Variants in OCA2 observed in about 807,000 individuals in gnomAD.
The protein encoded by OCA2 is P protein.
OCA2 carries 77 observed loss-of-function variants against 100.2 expected under a neutral mutation model. The ratio of observed to expected loss-of-function variants is 0.77; its 90% CI spans 0.64 to 0.93. The LOEUF (loss-of-function observed/expected upper bound fraction) is 0.93, where lower values mean the gene tolerates loss of function less well. Among genes scored for constraint, OCA2 ranks in the 40% least tolerant of loss-of-function variants. The pLI is 0.00. For missense variants in OCA2, 1,062 were observed against 1,089.1 expected (o/e 0.98, Z 0.35); for synonymous variants, 432 against 439.2 (o/e 0.98, Z 0.21).
downstream of OCA2, among the ~76,000 whole-genome samples, chr15:27,752,895 T>G (rs537786200): frequency 4.9e-5 from 7 of 143,268 alleles, no homozygotes; most frequent in Admixed American, 5.2e-4. Flanking sequence ...ACTTACCCAA[T>G]GTGGGCAGAC....
intron 23 of OCA2, among the ~76,000 whole-genome samples, chr15:27,770,778 C>CTTCCTCCCTCCCTCTT (rs1458950003): frequency 1.4e-4 from 8 of 55,522 alleles, no homozygotes; most frequent in Admixed American, 1.2e-3. Context: ...CCCTCCCTTC[C>CTTCCTCCCTCCCTCTT]ATCCTTCCTT....
At chr15:27,864,485 C>A (rs1399403353) in intron 21 of OCA2, among the ~76,000 whole-genome samples, 1 of 152,184 alleles carries the variant, frequency 6.6e-6, no homozygotes, top group Non-Finnish European at 1.5e-5. Context: ...CTCTCACATC[C>A]TCTGAAAGAG....
intron 19 of OCA2, chr15:27,895,852 G>C (rs150092273): frequency 1.1e-5 from 6 of 541,774 alleles, no homozygotes; most frequent in Admixed American, 7.3e-5. Flanking sequence ...CCAAATACAG[G>C]ATGATAGTTT....
intron 19 of OCA2, among the ~76,000 whole-genome samples, chr15:27,878,963 A>G (rs1319346903): frequency 6.6e-6 from 1 of 152,054 alleles, no homozygotes; most frequent in African/African-American, 2.4e-5. Context: ...TCACGTAGGT[A>G]TTAAGCCCCA....
At chr15:27,918,663 T>C (rs2038755336) in intron 19 of OCA2, among the ~76,000 whole-genome samples, 1 of 152,258 alleles carries the variant, frequency 6.6e-6, no homozygotes, top group Non-Finnish European at 1.5e-5. Context: ...TCCAGAACTT[T>C]TTTTAATCAA....
Position 27,851,392 on chromosome 15 carries a change from A to G in OCA2, c.2328T>C (p.Ala776=), listed in dbSNP as rs1800419. The G allele has an allele frequency of 0.43, 693,526 of 1,612,484 alleles. 152,875 individuals are homozygous for G. Among genetic ancestry groups the G allele is most frequent in the African/African-American group, 0.62 (46,659 of 74,962 alleles). The change falls in exon 22 of 24, where the codon GCT becomes GCC. Residue 776 remains alanine, a synonymous_variant. Transcript: ENST00000354638. ...TCAGCAGCCCCTTACCTCCCAGGCA[A>G]GCACCGAAGGCCAGGGCATACATGA... ...PPLMYALAFG[A]CLGGNGTLIG... is the part of the protein sequence containing the mutation.
chr15:27,949,086 T>TAA (rs11326197), intron 18 of OCA2, among the ~76,000 whole-genome samples: 42 of 149,302 alleles, frequency 2.8e-4, no homozygotes, highest in South Asian at 2.3e-3. Context: ...TCTATGATAA[T>TAA]AAAAAAAAAA....
At position 28,027,139 on chromosome 15, in the gene OCA2, T is replaced by A. The variant is rs146339311; in HGVS notation, c.515+732A>T. Among the ~76,000 whole-genome samples the A allele has an allele frequency of 3.3e-5, 5 of 152,314 alleles. No individual in the cohort carries two copies. In the East Asian group the frequency reaches 9.7e-4, roughly 29 times the overall value. ...GAACGGGCGCATGGGAGGAAACCCATTAGATAAATAGGCCAGTAAGGTGAG... is the reference window on the plus strand; with the variant it reads ...GAACGGGCGCATGGGAGGAAACCCAATAGATAAATAGGCCAGTAAGGTGAG... On this transcript the variant is annotated intron_variant, in intron 4 of 23. Coordinates refer to ENST00000354638, the MANE Select transcript of OCA2 (RefSeq NM_000275.3).
chr15:28,052,230 G>A (rs1466096), intron 2 of OCA2, among the ~76,000 whole-genome samples: 1 of 152,076 alleles, frequency 6.6e-6, no homozygotes, highest in African/African-American at 2.4e-5. Flanking sequence ...CTTGTGAATC[G>A]AGAGTCCAAG....
chr15:28,066,333 A>G (rs958095466), intron 2 of OCA2, among the ~76,000 whole-genome samples: 22 of 152,270 alleles, frequency 1.4e-4, no homozygotes, highest in African/African-American at 5.3e-4. Context: ...TAAGCCCCTC[A>G]CTGACTAATG....
At chr15:27,936,641 C>A (rs1200870207) in intron 18 of OCA2, among the ~76,000 whole-genome samples, 2 of 152,144 alleles carry the variant, frequency 1.3e-5, no homozygotes, top group African/African-American at 4.8e-5. Context: ...AAGCCTAGCT[C>A]CAACACTCAG....
intron 23 of OCA2, among the ~76,000 whole-genome samples, chr15:27,756,403 C>T (rs1406772287): frequency 2.6e-5 from 4 of 152,142 alleles, no homozygotes; most frequent in Non-Finnish European, 4.4e-5. Context: ...AGACAGCTCC[C>T]GAAATTATAG....
At chr15:27,758,697 C>CT (rs1294607108) in intron 23 of OCA2, among the ~76,000 whole-genome samples, 6 of 152,014 alleles carry the variant, frequency 3.9e-5, no homozygotes, top group Non-Finnish European at 8.8e-5. Context: ...AAGTAAAACT[C>CT]TAACGGAATG....
chr15:27,889,065 C>G (rs1485386948), intron 19 of OCA2, among the ~76,000 whole-genome samples: 1 of 152,138 alleles, frequency 6.6e-6, no homozygotes, highest in Non-Finnish European at 1.5e-5. Context: ...GAGTATTAAA[C>G]TACAGGTTAG....
chr15:27,979,616 G>A (rs2041080417), intron 14 of OCA2, among the ~76,000 whole-genome samples: 1 of 151,008 alleles, frequency 6.6e-6, no homozygotes, highest in Admixed American at 6.6e-5. Context: ...TTGCTTTAGA[G>A]TTTATCATAT....
In OCA2 at chr15:27,853,382, A is replaced by G. The variant is rs970919532; in HGVS notation, c.2245-1907T>C. On this transcript the variant is annotated intron_variant, in intron 21 of 23. Transcript: ENST00000354638. ...GGTGGGAATTGAACAATGAGATCAC[A>G]TGGACACAGGAAGGGGAATATCACA... Among the ~76,000 whole-genome samples the G allele has an allele frequency of 2.8e-3, 365 of 132,040 alleles. 1 individual carries two copies. The highest frequency in any genetic ancestry group is 9.8e-3 in the African/African-American group (346 of 35,160). The allele number at this position is 132,040 out of a possible 152,430, so 86.6% of individuals were successfully genotyped here.
In OCA2 at chr15:28,018,553, C is replaced by T; in HGVS notation, c.651G>A (p.Val217=). 1 of 1,612,630 alleles carries T rather than the reference C, an allele frequency of 6.2e-7. No homozygotes were observed. Among genetic ancestry groups the T allele is most frequent in the Non-Finnish European group, 8.5e-7 (1 of 1,179,738 alleles). Residue 217 remains valine (V), a synonymous_variant, in exon 7 of 24, where the codon GTG becomes GTA. Transcript: ENST00000354638. The part of the protein sequence containing the change: ...LALSPLENYS[V]NLSSHVDSTL... ...TGGAGTCCACGTGGCTGCTAAGGTT[C>T]ACGGCTCGGAGAGTGTCAAGGAGAA...
At chr15:27,852,554 A>G (rs1271241188) in intron 21 of OCA2, among the ~76,000 whole-genome samples, 4 of 152,230 alleles carry the variant, frequency 2.6e-5, no homozygotes, top group South Asian at 4.1e-4. Flanking sequence ...AATGGCAACA[A>G]AAGACAAAAT....
intron 23 of OCA2, among the ~76,000 whole-genome samples, chr15:27,823,559 T>A (rs1367772603): frequency 2.0e-5 from 3 of 152,182 alleles, no homozygotes; most frequent in African/African-American, 4.8e-5. Context: ...GGAAACTTAA[T>A]CATAAAGCAA....
Sources: gnomAD v4.1 joint callset for allele counts (sites outside exome capture counted in the v4.1 genomes callset) on GRCh38, gnomAD v4.1.1 for gene constraint, MANE v1.5 for transcripts, NCBI Gene and HGNC (gene_info 2026-07-23, HGNC 2026-07-21) for gene names.